The following UNC5C variants were observed in gnomAD, a reference collection of about 807,000 sequenced individuals.
The protein encoded by UNC5C is netrin receptor UNC5C.
A neutral mutation model predicts 99.8 loss-of-function variants in UNC5C; 47 were observed. That is an observed-to-expected ratio of 0.47 (90% CI 0.37 to 0.60). The LOEUF (loss-of-function observed/expected upper bound fraction) is 0.60, where lower values mean the gene tolerates loss of function less well. UNC5C is among the 20% of genes least tolerant of loss of function. The probability of loss-of-function intolerance (pLI) is 0.00; values close to 1 mark genes in which losing one functional copy is unlikely to be tolerated. For missense variants in UNC5C, 1,062 were observed against 1,165.9 expected (o/e 0.91, Z 1.30); for synonymous variants, 487 against 452.2 (o/e 1.08, Z -0.98).
intron 1 of UNC5C, among the ~76,000 whole-genome samples, chr4:95,494,914 C>T (rs1472487778): frequency 6.6e-6 from 1 of 151,174 alleles, no homozygotes; most frequent in African/African-American, 2.4e-5. Flanking sequence ...ATTTTAATAA[C>T]ATTTAATATT....
intron 3 of UNC5C, among the ~76,000 whole-genome samples, chr4:95,286,477 T>C (rs1361147876): frequency 6.6e-6 from 1 of 152,194 alleles, no homozygotes; most frequent in Non-Finnish European, 1.5e-5. Flanking sequence ...TGGGGAGCCA[T>C]GCAGATCTGC....
chr4:95,543,931 C>T (rs766718220), intron 1 of UNC5C, among the ~76,000 whole-genome samples: 12 of 152,270 alleles, frequency 7.9e-5, no homozygotes, highest in East Asian at 3.9e-4. Flanking sequence ...TGATCTACTC[C>T]GCAGCATCTC....
At chr4:95,298,591 A>G (rs1741758343) in intron 3 of UNC5C, among the ~76,000 whole-genome samples, 1 of 152,024 alleles carries the variant, frequency 6.6e-6, no homozygotes, top group South Asian at 2.1e-4. Flanking sequence ...CAACTTCCTC[A>G]GCAAAGCTTC....
intron 14 of UNC5C, among the ~76,000 whole-genome samples, chr4:95,176,785 T>C (rs1009055726): frequency 2.6e-5 from 4 of 152,242 alleles, no homozygotes; most frequent in African/African-American, 7.2e-5. Flanking sequence ...TCGAGCTTCC[T>C]GGCTGCTTTG....
chr4:95,415,533 T>C (rs1310593352), intron 1 of UNC5C, among the ~76,000 whole-genome samples: 1 of 152,120 alleles, frequency 6.6e-6, no homozygotes, highest in Non-Finnish European at 1.5e-5. Context: ...ATTGAGTTGA[T>C]ATTTATTGAG....
chr4:95,482,079 A>C (rs1721175192), intron 1 of UNC5C, among the ~76,000 whole-genome samples: 2 of 152,108 alleles, frequency 1.3e-5, no homozygotes, highest in African/African-American at 4.8e-5. Flanking sequence ...GCAACCTACA[A>C]AATGGAAGAA....
At chr4:95,470,140 G>C (rs1423353227) in intron 1 of UNC5C, among the ~76,000 whole-genome samples, 1 of 152,040 alleles carries the variant, frequency 6.6e-6, no homozygotes, top group Non-Finnish European at 1.5e-5. Flanking sequence ...GATAGTAAAT[G>C]ATAAAATAGA....
At chr4:95,294,359 A>G in intron 3 of UNC5C, among the ~76,000 whole-genome samples, 1 of 152,188 alleles carries the variant, frequency 6.6e-6, no homozygotes, top group East Asian at 1.9e-4. Flanking sequence ...TGTGAGAGGA[A>G]GCCAGGAGGG....
chr4:95,196,828 T>TGTAATATATAATATATATTTA, intron 12 of UNC5C, among the ~76,000 whole-genome samples: 6 of 17,630 alleles, frequency 3.4e-4, no homozygotes, highest in African/African-American at 1.3e-3. Flanking sequence ...TATTTATATA[T>TGTAATATATAATATATATTTA]TATATTTATG....
chr4:95,387,049 A>C lies in UNC5C; in HGVS notation c.125-51418T>G, dbSNP rs367711194. On this transcript the variant is annotated intron_variant, in intron 1 of 15. Transcript: ENST00000453304. ...AGAAAAAATATCCATTCTAAATCAT[A>C]AAGAAGTAATATTTAAAAAATGCTT... Among the ~76,000 whole-genome samples the C allele has an allele frequency of 1.2e-3, 179 of 150,138 alleles. 6 individuals carry two copies. In the South Asian group the frequency reaches 0.037, roughly 31 times the overall value.
At chr4:95,193,324 T>A (rs549488033) in intron 12 of UNC5C, among the ~76,000 whole-genome samples, 133 of 152,328 alleles carry the variant, frequency 8.7e-4, no homozygotes, top group African/African-American at 2.1e-3. Flanking sequence ...GCACTCTGGC[T>A]GTTTTTTGCT....
chr4:95,171,644 G>T (rs1359124590), intron 14 of UNC5C, among the ~76,000 whole-genome samples: 7 of 151,812 alleles, frequency 4.6e-5, no homozygotes, highest in African/African-American at 1.7e-4. Flanking sequence ...ATCATTGTTG[G>T]ACATTTGGGT....
At position 95,187,400 on chromosome 4, in the gene UNC5C, G is replaced by A. The variant is rs534553126; in HGVS notation, c.2137-2204C>T. Among the ~76,000 whole-genome samples the A allele has an allele frequency of 1.4e-4, 22 of 152,286 alleles. No individual in the cohort carries two copies. In the South Asian group the frequency reaches 4.4e-3, roughly 30 times the overall value. On this transcript the variant is annotated intron_variant, in intron 12 of 15. Transcript: ENST00000453304. The stretch of plus-strand genomic sequence containing the variant: ...CTCCCTGGGATGTCTAAAAGAAGAT[G>A]CATTGTATTCCAGGAGGTAATTGTA...
chr4:95,493,991 A>G lies in UNC5C; in HGVS notation c.124+54743T>C, dbSNP rs147275189. Among the ~76,000 whole-genome samples, 16 of 151,622 alleles carry G rather than the reference A, an allele frequency of 1.1e-4. No individual in the cohort carries two copies. The East Asian group carries it at 2.9e-3, about 28-fold the overall frequency. ...AGATGCCAACTATATGATACATTTC[A>G]TGATTAAATTTAAACTATGATATCA... On this transcript the variant is annotated intron_variant, in intron 1 of 15. Transcript: ENST00000453304.
intron 3 of UNC5C, among the ~76,000 whole-genome samples, chr4:95,288,255 T>G (rs1192145800): frequency 1.3e-5 from 2 of 151,932 alleles, no homozygotes. Context: ...GCTAATTTTT[T>G]TGTATTTTTA....
intron 1 of UNC5C, among the ~76,000 whole-genome samples, chr4:95,381,836 G>A (rs1213986980): frequency 6.6e-6 from 1 of 152,102 alleles, no homozygotes; most frequent in Non-Finnish European, 1.5e-5. Context: ...AGACAGCGGA[G>A]GACTTTCATA....
chr4:95,391,558 A>G (rs1745359255), intron 1 of UNC5C, among the ~76,000 whole-genome samples: 1 of 152,114 alleles, frequency 6.6e-6, no homozygotes, highest in South Asian at 2.1e-4. Context: ...TTTCCAATAT[A>G]TCTTGTATTC....
chr4:95,171,483 G>A (rs1736107672), intron 14 of UNC5C, among the ~76,000 whole-genome samples: 1 of 150,770 alleles, frequency 6.6e-6, no homozygotes. Flanking sequence ...GTGAGAATAT[G>A]CAGTGTTTGG....
intron 7 of UNC5C, 79 bp from the exon 8 acceptor site, chr4:95,220,255 TCA>T: frequency 3.8e-6 from 5 of 1,305,626 alleles, no homozygotes; most frequent in Non-Finnish European, 5.1e-6. Context: ...TATAATTTTT[TCA>T]GACATTTACT....
Sources: allele counts gnomAD v4.1 joint callset (sites outside exome capture counted in the v4.1 genomes callset), GRCh38; gene constraint gnomAD v4.1.1; transcripts MANE v1.5; gene names NCBI Gene and HGNC (gene_info 2026-07-23, HGNC 2026-07-21).